The following TMEM17 variants were observed in gnomAD, a reference collection of about 807,000 sequenced individuals.
TMEM17 encodes the protein transmembrane protein 17.
TMEM17 carries 15 observed loss-of-function variants against 19.1 expected under a neutral mutation model. The observed-to-expected ratio is 0.78, with a 90% confidence interval of 0.52 to 1.21. TMEM17 has a LOEUF of 1.21. Among genes scored for constraint, TMEM17 ranks in the 50% most tolerant of loss-of-function variants. The pLI is 0.00. For synonymous variants in TMEM17, 103 were observed against 86.9 expected, an observed-to-expected ratio of 1.19 and a Z score of -1.03; for missense variants, 245 against 242.3, an observed-to-expected ratio of 1.01 and a Z score of -0.07.
At chr2:62,499,320 AT>A (rs576654628), downstream of TMEM17, among the ~76,000 whole-genome samples, 237 of 152,314 alleles carry the variant, frequency 1.6e-3, no homozygotes, top group Non-Finnish European at 2.0e-3. Flanking sequence ...AGTCTCCATC[AT>A]CCCCTAATTT....
the TMEM17 span, among the ~76,000 whole-genome samples, chr2:62,473,673 G>A: frequency 4.6e-5 from 7 of 152,296 alleles, no homozygotes; most frequent in East Asian, 1.3e-3. Flanking sequence ...GTGAGCAGGT[G>A]GGCAGACCAC....
At chr2:62,493,087 TG>T in the TMEM17 span, among the ~76,000 whole-genome samples, 1 of 152,116 alleles carries the variant, frequency 6.6e-6, no homozygotes, top group African/African-American at 2.4e-5. Flanking sequence ...TGGAGTGCAG[TG>T]GTGTGATCAC....
chr2:62,474,967 C>T, the TMEM17 span, among the ~76,000 whole-genome samples: 1 of 152,188 alleles, frequency 6.6e-6, no homozygotes, highest in South Asian at 2.1e-4. Context: ...AGTTCACCAC[C>T]CCGGCTGCCT....
chr2:62,502,560 A>T lies in TMEM17; in HGVS notation c.205-10T>A. On this transcript the variant is annotated splice_polypyrimidine_tract_variant and intron_variant, in intron 2 of 3. Transcript: ENST00000335390. Reference sequence around the variant, plus strand: ...CAGGTAAGATTGAATACTAAAAGAAAAGCCAAAACATGTTTGTAAAATCTC... The same window carrying T: ...CAGGTAAGATTGAATACTAAAAGAATAGCCAAAACATGTTTGTAAAATCTC... 6.5e-7 allele frequency: 1 copy of T among 1,550,124 alleles called. No homozygotes were observed. The highest frequency in any genetic ancestry group is 8.8e-7 in the Non-Finnish European group (1 of 1,134,864).
At chr2:62,505,833 C>T (rs1477968140) in intron 1 of TMEM17, among the ~76,000 whole-genome samples, 197 bp downstream of exon 1, 7 of 152,190 alleles carry the variant, frequency 4.6e-5, no homozygotes, top group African/African-American at 1.7e-4. Flanking sequence ...GAGACCAGGC[C>T]CGGCCGGGGG....
chr2:62,480,367 T>G, the TMEM17 span, among the ~76,000 whole-genome samples: 1 of 152,214 alleles, frequency 6.6e-6, no homozygotes. Context: ...TTCTTTAGAT[T>G]GTCCTTTCAG....
chr2:62,487,288 TC>T, the TMEM17 span, among the ~76,000 whole-genome samples: 1 of 152,188 alleles, frequency 6.6e-6, no homozygotes, highest in African/African-American at 2.4e-5. Context: ...TCATAGCTGG[TC>T]GGGCCTTTCT....
the TMEM17 span, among the ~76,000 whole-genome samples, chr2:62,462,675 G>A: frequency 6.6e-6 from 1 of 152,196 alleles, no homozygotes; most frequent in African/African-American, 2.4e-5. Flanking sequence ...CCAATGAGTT[G>A]CAGTGAACTC....
rs747813300 is a variant in TMEM17, at chr2:62,501,223, T to C, written c.583A>G (p.Ile195Val). The C allele has an allele frequency of 3.1e-6, 5 of 1,614,076 alleles. No individual in the cohort carries two copies. The highest frequency in any genetic ancestry group is 1.7e-5 in the Admixed American group (1 of 60,008). The stretch of plus-strand genomic sequence containing the variant: ...ACAACACTGGATCAGATCTCTTCTA[T>C]ACATGACCTCATCCTTCTCATGTCT... Reference protein sequence around the residue: ...RGDMRRMRSCIEEI With the variant: ...RGDMRRMRSCVEEI Residue 195 changes from isoleucine (I) to valine (V), a missense_variant, in exon 4 of 4, where the codon ATA becomes GTA. Physicochemically the swap from Ile to Val is conservative, Grantham distance 29 (BLOSUM62 3). Transcript: ENST00000335390.
At chr2:62,466,307 G>A in the TMEM17 span, among the ~76,000 whole-genome samples, 1 of 152,292 alleles carries the variant, frequency 6.6e-6, no homozygotes, top group Non-Finnish European at 1.5e-5. Context: ...CCTTCCTGCA[G>A]GGGCCCCTGG....
chr2:62,502,612 G>GAA (rs11443505), intron 2 of TMEM17, 62 bp from the exon 3 acceptor site: 12 of 1,431,400 alleles, frequency 8.4e-6, no homozygotes, highest in South Asian at 1.3e-5. Flanking sequence ...ATTTAAGATA[G>GAA]AAAAAATTAT....
chr2:62,472,919 G>A, the TMEM17 span, among the ~76,000 whole-genome samples: 1 of 152,216 alleles, frequency 6.6e-6, no homozygotes, highest in Non-Finnish European at 1.5e-5. Context: ...TTAGAGCTCA[G>A]CCGTGGCTGG....
the TMEM17 span, among the ~76,000 whole-genome samples, chr2:62,468,472 A>T: frequency 6.6e-6 from 1 of 152,256 alleles, no homozygotes; most frequent in South Asian, 2.1e-4. Context: ...AGTGACTTCC[A>T]GTGGAATTAC....
In TMEM17 at chr2:62,502,497, T is replaced by A. The variant is rs759403521; in HGVS notation, c.258A>T (p.Leu86=). The change falls in exon 3 of 4, where the codon CTA becomes CTT. Residue 86 remains leucine, a synonymous_variant. Coordinates refer to ENST00000335390, the MANE Select transcript of TMEM17 (RefSeq NM_198276.3). ...YKFIVITVII[L]ITLIEAIRLY... Reference sequence around the variant, plus strand: ...ACCGGATGGCTTCAATTAAGGTTATTAGGATGATAACAGTGATCACAATGA... The same window carrying A: ...ACCGGATGGCTTCAATTAAGGTTATAAGGATGATAACAGTGATCACAATGA... The A allele has an allele frequency of 6.2e-7, 1 of 1,613,344 alleles. No individual in the cohort carries two copies. Among genetic ancestry groups the A allele is most frequent in the East Asian group, 2.2e-5 (1 of 44,860 alleles).
intron 3 of TMEM17, 97 bp downstream of exon 3, chr2:62,502,340 G>T: frequency 1.4e-6 from 1 of 722,150 alleles, no homozygotes; most frequent in Non-Finnish European, 2.3e-6. Context: ...TTAAATTCAG[G>T]CCTGTGCTCT....
At chr2:62,490,759 G>A in the TMEM17 span, among the ~76,000 whole-genome samples, 39 of 152,250 alleles carry the variant, frequency 2.6e-4, no homozygotes, top group South Asian at 7.5e-3. Flanking sequence ...AGAAAAGTAT[G>A]TGGGTATCTT....
chr2:62,503,696 TC>T (rs1247170113), intron 1 of TMEM17, among the ~76,000 whole-genome samples: 1 of 152,222 alleles, frequency 6.6e-6, no homozygotes, highest in Non-Finnish European at 1.5e-5. Context: ...CTTCTTCTCT[TC>T]TACTTATCTA....
chr2:62,501,252 C>G lies in TMEM17; in HGVS notation c.554G>C (p.Arg185Thr), dbSNP rs1679919504. 6.2e-7 allele frequency: 1 copy of G among 1,614,084 alleles called. No individual in the cohort carries two copies. The highest frequency in any genetic ancestry group is 8.5e-7 in the Non-Finnish European group (1 of 1,180,046). The change falls in exon 4 of 4, where the codon AGA becomes ACA. Residue 185 changes from arginine (R) to threonine (T), a missense_variant. Physicochemically the swap from Arg to Thr is moderately conservative, Grantham distance 71. Coordinates refer to ENST00000335390, the MANE Select transcript of TMEM17 (RefSeq NM_198276.3). Reference protein sequence around the residue: ...LQDFDRLSANRGDMRRMRSCI... With the variant: ...LQDFDRLSANTGDMRRMRSCI... The stretch of plus-strand genomic sequence containing the variant: ...TGACCTCATCCTTCTCATGTCTCCT[C>G]TGTTTGCAGAGAGCCGGTCAAAGTC...
the TMEM17 span, among the ~76,000 whole-genome samples, chr2:62,482,232 G>A: frequency 5.3e-5 from 8 of 152,316 alleles, no homozygotes; most frequent in Middle Eastern, 0.01. Context: ...ATGTAGTTCA[G>A]CCTAGCCAAG....
Sources: allele counts gnomAD v4.1 joint callset (sites outside exome capture counted in the v4.1 genomes callset), GRCh38; gene constraint gnomAD v4.1.1; transcripts MANE v1.5; gene names NCBI Gene and HGNC (gene_info 2026-07-23, HGNC 2026-07-21).